Variants in SYNPR observed in about 807,000 individuals in gnomAD.
The protein encoded by SYNPR is synaptoporin.
Under a neutral mutation model 32.9 loss-of-function variants are expected in SYNPR, and 23 were observed. The ratio of observed to expected loss-of-function variants is 0.70; its 90% confidence interval spans 0.50 to 0.99. The LOEUF (loss-of-function observed/expected upper bound fraction) is 0.99. Ranked by LOEUF, SYNPR falls within the 50% of genes least tolerant of loss-of-function variation. SYNPR has a pLI of 0.00. For missense variants in SYNPR, 318 were observed against 349.3 expected, an observed-to-expected ratio of 0.91 and a Z score of 0.71; for synonymous variants, 146 against 135.9, an observed-to-expected ratio of 1.07 and a Z score of -0.52.
At chr3:63,283,008 A>T (rs2086644233) in intron 2 of SYNPR, among the ~76,000 whole-genome samples, 1 of 152,116 alleles carries the variant, frequency 6.6e-6, no homozygotes, top group Non-Finnish European at 1.5e-5. Flanking sequence ...GTTAAAATTG[A>T]TTTTTTCAGA....
chr3:63,245,144 C>T (rs947942399), intron 1 of SYNPR, among the ~76,000 whole-genome samples: 24 of 152,006 alleles, frequency 1.6e-4, no homozygotes, highest in South Asian at 2.1e-4. Flanking sequence ...TATTTTTGAC[C>T]GTGTGAACTA....
intron 4 of SYNPR, among the ~76,000 whole-genome samples, chr3:63,564,133 T>C (rs1006305826): frequency 6.6e-6 from 1 of 151,612 alleles, no homozygotes; most frequent in Non-Finnish European, 1.5e-5. Context: ...TTGTTAGTCA[T>C]AGACACACCT....
chr3:63,593,864 G>A (rs1030992868), intron 4 of SYNPR, among the ~76,000 whole-genome samples: 1 of 152,078 alleles, frequency 6.6e-6, no homozygotes, highest in Non-Finnish European at 1.5e-5. Context: ...ACTGGAGGGA[G>A]GAGAACAGAT....
chr3:63,596,321 C>G (rs912910457), intron 4 of SYNPR, among the ~76,000 whole-genome samples: 1 of 127,898 alleles, frequency 7.8e-6, no homozygotes, highest in African/African-American at 2.9e-5. Context: ...TTCCCCAATG[C>G]TCCCCCTTCC....
chr3:63,485,041 G>C (rs960995151), intron 3 of SYNPR, among the ~76,000 whole-genome samples: 1 of 152,154 alleles, frequency 6.6e-6, no homozygotes, highest in African/African-American at 2.4e-5. Flanking sequence ...TGAGATGCTT[G>C]TTAGAAGCAC....
At chr3:63,245,530 T>G (rs2086277277) in intron 1 of SYNPR, among the ~76,000 whole-genome samples, 1 of 151,972 alleles carries the variant, frequency 6.6e-6, no homozygotes, top group Non-Finnish European at 1.5e-5. Context: ...TTGGGGTAAA[T>G]TTTATAAACT....
At chr3:63,594,838 G>A (rs1454294498) in intron 4 of SYNPR, among the ~76,000 whole-genome samples, 2 of 152,014 alleles carry the variant, frequency 1.3e-5, no homozygotes, top group African/African-American at 4.8e-5. Context: ...AAATATAACA[G>A]CAATAATATT....
At position 63,446,286 on chromosome 3, in the gene SYNPR, T is replaced by G. The variant is rs557497101; in HGVS notation, c.85-34546T>G. Among the ~76,000 whole-genome samples, 5 of 152,042 alleles carry G rather than the reference T, an allele frequency of 3.3e-5. No individual in the cohort carries two copies. In the South Asian group the frequency reaches 6.2e-4, roughly 19 times the overall value. ...CTTTACTCACTCCCACCATGTTTTT[T>G]TTTTTTTTTTAATTTCTATTCTTTG... On this transcript the variant is annotated intron_variant, in intron 2 of 5. Transcript: ENST00000478300.
chr3:63,589,627 C>T (rs894462746), intron 4 of SYNPR, among the ~76,000 whole-genome samples: 3 of 150,944 alleles, frequency 2.0e-5, no homozygotes, highest in Non-Finnish European at 2.9e-5. Context: ...GGGCTTCATC[C>T]CTGGGATGCA....
chr3:63,597,322 A>T (rs891337014), intron 4 of SYNPR, among the ~76,000 whole-genome samples: 1 of 152,212 alleles, frequency 6.6e-6, no homozygotes. Flanking sequence ...TTATTAACAT[A>T]GTTAGAAGAC....
intron 2 of SYNPR, among the ~76,000 whole-genome samples, chr3:63,479,396 T>C (rs896956372): frequency 8.6e-5 from 13 of 151,680 alleles, no homozygotes; most frequent in African/African-American, 3.2e-4. Flanking sequence ...TTCTTTCCAT[T>C]TTAAAAATAC....
In SYNPR at chr3:63,412,717, G is replaced by C. The variant is rs796454979; in HGVS notation, c.85-68115G>C. On this transcript the variant is annotated intron_variant, in intron 2 of 5. Transcript: ENST00000478300. Reference sequence around the variant, plus strand: ...ATCATCAATATTAAATTTGGATGAAGGAAGAGAGTTGGAAACTGAGCAGTA... The same window carrying C: ...ATCATCAATATTAAATTTGGATGAACGAAGAGAGTTGGAAACTGAGCAGTA... Among the ~76,000 whole-genome samples, 3 of 152,138 alleles carry C rather than the reference G, an allele frequency of 2.0e-5. No homozygotes were observed. The South Asian group carries it at 6.2e-4, about 32-fold the overall frequency.
chr3:63,316,142 A>G lies in SYNPR; in HGVS notation c.84+37400A>G, dbSNP rs558653653. ...GATAGGTTGTTGGATTCAGTTAGCT[A>G]GTATTTTGTTAAGGAGCATCAATGT... On this transcript the variant is annotated intron_variant, in intron 2 of 5. Transcript: ENST00000478300. Among the ~76,000 whole-genome samples, 6 of 152,138 alleles carry G rather than the reference A, an allele frequency of 3.9e-5. No homozygotes were observed. In the South Asian group the frequency reaches 1.2e-3, roughly 32 times the overall value.
intron 2 of SYNPR, among the ~76,000 whole-genome samples, chr3:63,478,581 T>C (rs1487005385): frequency 6.6e-6 from 1 of 152,158 alleles, no homozygotes; most frequent in East Asian, 1.9e-4. Context: ...CCTTCTTACT[T>C]TTATGTGCAC....
chr3:63,566,400 A>T (rs560810610), intron 4 of SYNPR, among the ~76,000 whole-genome samples: 6 of 152,282 alleles, frequency 3.9e-5, no homozygotes, highest in African/African-American at 1.2e-4. Flanking sequence ...CAATGAAACA[A>T]AATTTCATGT....
At chr3:63,564,673 A>G (rs974058046) in intron 4 of SYNPR, among the ~76,000 whole-genome samples, 3 of 152,186 alleles carry the variant, frequency 2.0e-5, no homozygotes, top group African/African-American at 7.2e-5. Flanking sequence ...ACATTAATCC[A>G]TTCAAAATTT....
chr3:63,349,725 T>C (rs1553871978), intron 2 of SYNPR, among the ~76,000 whole-genome samples: 2 of 152,166 alleles, frequency 1.3e-5, no homozygotes, highest in Non-Finnish European at 2.9e-5. Context: ...TTTTCTGTTA[T>C]CTGGAGAATC....
chr3:63,245,865 C>T (rs1454432860), intron 1 of SYNPR, among the ~76,000 whole-genome samples: 2 of 151,800 alleles, frequency 1.3e-5, no homozygotes, highest in Middle Eastern at 3.2e-3. Context: ...TAACAATGAA[C>T]AGTCTGAATA....
chr3:63,239,011 T>C (rs1165220964), intron 1 of SYNPR, among the ~76,000 whole-genome samples: 1 of 152,130 alleles, frequency 6.6e-6, no homozygotes, highest in Non-Finnish European at 1.5e-5. Flanking sequence ...CAACCAAGAT[T>C]GAGCAATATT....
Sources: gnomAD v4.1 joint callset for allele counts (sites outside exome capture counted in the v4.1 genomes callset) on GRCh38, gnomAD v4.1.1 for gene constraint, MANE v1.5 for transcripts, NCBI Gene and HGNC (gene_info 2026-07-23, HGNC 2026-07-21) for gene names.